Variants in MAPK4 observed in about 807,000 individuals in gnomAD.
MAPK4 encodes Erk3-related.
In MAPK4, 22 loss-of-function variants were observed where a neutral mutation model predicts 47.7. That is an observed-to-expected ratio of 0.46 (90% confidence interval 0.33 to 0.66). The LOEUF (loss-of-function observed/expected upper bound fraction) is 0.66, where lower values mean the gene tolerates loss of function less well. Ranked by LOEUF, MAPK4 falls within the 30% of genes least tolerant of loss-of-function variation. The pLI, the probability that MAPK4 is intolerant of heterozygous loss-of-function variation, is 0.02. For missense variants in MAPK4, 736 were observed against 831.7 expected (o/e 0.88, Z 1.42); for synonymous variants, 390 against 365.7 (o/e 1.07, Z -0.76).
intron 1 of MAPK4, among the ~76,000 whole-genome samples, chr18:50,628,152 C>G (rs1400645244): frequency 6.6e-6 from 1 of 152,146 alleles, no homozygotes; most frequent in Non-Finnish European, 1.5e-5. Context: ...GCAGCTAGTT[C>G]AGCTAATTGG....
intron 1 of MAPK4, among the ~76,000 whole-genome samples, chr18:50,630,728 T>C (rs1051626829): frequency 6.6e-6 from 1 of 152,260 alleles, no homozygotes; most frequent in Non-Finnish European, 1.5e-5. Flanking sequence ...CTCCTCATCC[T>C]AATATTCACA....
chr18:50,728,295 A>G (rs1477560085), intron 5 of MAPK4, among the ~76,000 whole-genome samples: 3 of 152,196 alleles, frequency 2.0e-5, no homozygotes, highest in Non-Finnish European at 2.9e-5. Context: ...TCTGCCCTTC[A>G]TTTGCTCTTG....
At chr18:50,609,058 G>A (rs890493683) in intron 1 of MAPK4, among the ~76,000 whole-genome samples, 1 of 152,196 alleles carries the variant, frequency 6.6e-6, no homozygotes, top group African/African-American at 2.4e-5. Flanking sequence ...TAGATTAACA[G>A]CATCCCAAGG....
chr18:50,676,185 C>G (rs1908261580), intron 2 of MAPK4, among the ~76,000 whole-genome samples: 1 of 151,732 alleles, frequency 6.6e-6, no homozygotes, highest in Non-Finnish European at 1.5e-5. Context: ...ATTTCATCTT[C>G]TTGGCTTCCT....
intron 2 of MAPK4, among the ~76,000 whole-genome samples, chr18:50,680,994 T>C (rs1049877426): frequency 4.6e-5 from 7 of 152,228 alleles, no homozygotes; most frequent in African/African-American, 1.7e-4. Context: ...GCTACCAGAC[T>C]GTTTTCCAAA....
chr18:50,568,147 G>T (rs1005634352), intron 1 of MAPK4, among the ~76,000 whole-genome samples: 4 of 149,870 alleles, frequency 2.7e-5, no homozygotes, highest in Middle Eastern at 3.4e-3. Context: ...AGTGAGCCGA[G>T]ATCGGGCCAC....
intron 2 of MAPK4, among the ~76,000 whole-genome samples, chr18:50,710,724 G>A (rs1053630683): frequency 6.6e-6 from 1 of 152,076 alleles, no homozygotes; most frequent in Non-Finnish European, 1.5e-5. Context: ...AGCTTGCAGT[G>A]AGCAGAGATA....
intron 1 of MAPK4, among the ~76,000 whole-genome samples, chr18:50,582,478 C>A (rs1349749345): frequency 6.6e-6 from 1 of 152,236 alleles, no homozygotes; most frequent in Non-Finnish European, 1.5e-5. Flanking sequence ...AATTCCTGCA[C>A]TGGGCAGGTG....
chr18:50,611,121 A>G (rs901545198), intron 1 of MAPK4, among the ~76,000 whole-genome samples: 3 of 152,184 alleles, frequency 2.0e-5, no homozygotes, highest in African/African-American at 7.2e-5. Context: ...ACAAGCAAAG[A>G]GCAGGTTCTC....
rs190025447 is a variant in MAPK4, at chr18:50,682,367, C to T, written c.546+17863C>T. Among the ~76,000 whole-genome samples the T allele has an allele frequency of 1.4e-3, 213 of 152,204 alleles. 1 individual carries two copies. The highest frequency in any genetic ancestry group is 4.8e-3 in the African/African-American group (201 of 41,542). On this transcript the variant is annotated intron_variant, in intron 2 of 5. Transcript: ENST00000400384. ...AAATAGCTTCATTGGTGAATTCTAC[C>T]GCTATTTAGGAAATAAATAATATCA...
At chr18:50,568,729 C>T (rs2042224203) in intron 1 of MAPK4, among the ~76,000 whole-genome samples, 1 of 152,142 alleles carries the variant, frequency 6.6e-6, no homozygotes, top group Admixed American at 6.5e-5. Context: ...CTTACCCTCC[C>T]CTGTGTTTGC....
intron 1 of MAPK4, among the ~76,000 whole-genome samples, chr18:50,619,060 G>T (rs2042708611): frequency 6.6e-6 from 1 of 152,194 alleles, no homozygotes; most frequent in South Asian, 2.1e-4. Context: ...TTTTAATTAG[G>T]CCGTCTCCTT....
At chr18:50,611,908 G>A (rs1275909033) in intron 1 of MAPK4, among the ~76,000 whole-genome samples, 2 of 152,108 alleles carry the variant, frequency 1.3e-5, no homozygotes, top group South Asian at 2.1e-4. Context: ...TTTACATAGA[G>A]CCCTCAGGCA....
intron 1 of MAPK4, among the ~76,000 whole-genome samples, chr18:50,604,119 AT>A (rs1340394965): frequency 6.6e-6 from 1 of 152,228 alleles, no homozygotes; most frequent in Non-Finnish European, 1.5e-5. Context: ...AAATTCTGGG[AT>A]CATTTAGGTA....
chr18:50,649,273 A>C (rs73437786), intron 1 of MAPK4, among the ~76,000 whole-genome samples: 2 of 152,154 alleles, frequency 1.3e-5, no homozygotes, highest in Non-Finnish European at 1.5e-5. Flanking sequence ...TGGGATCCTA[A>C]TTTGCAATTC....
At chr18:50,600,356 C>T (rs1384078422) in intron 1 of MAPK4, among the ~76,000 whole-genome samples, 1 of 152,186 alleles carries the variant, frequency 6.6e-6, no homozygotes, top group African/African-American at 2.4e-5. Context: ...CACATAGCTC[C>T]AGGGGCAGGT....
At chr18:50,604,380 A>G (rs544398180) in intron 1 of MAPK4, among the ~76,000 whole-genome samples, 1 of 152,236 alleles carries the variant, frequency 6.6e-6, no homozygotes, top group Non-Finnish European at 1.5e-5. Flanking sequence ...AGCAATTTAT[A>G]TAATTTATAT....
At chr18:50,575,756 T>C (rs187813060) in intron 1 of MAPK4, among the ~76,000 whole-genome samples, 1 of 113,682 alleles carries the variant, frequency 8.8e-6, no homozygotes, top group Admixed American at 1.1e-4. Flanking sequence ...ATCAATAATA[T>C]CCAGAATCTA....
intron 1 of MAPK4, among the ~76,000 whole-genome samples, chr18:50,648,729 G>A (rs75200993): frequency 0.079 from 11,971 of 152,214 alleles, 646 homozygotes; most frequent in Middle Eastern, 0.14. Flanking sequence ...AAAGCAGTGC[G>A]GATGAAAGGG....
Sources: allele counts gnomAD v4.1 joint callset (sites outside exome capture counted in the v4.1 genomes callset), GRCh38; gene constraint gnomAD v4.1.1; transcripts MANE v1.5; gene names NCBI Gene and HGNC (gene_info 2026-07-23, HGNC 2026-07-21).